The following LAPTM5 variants were observed in gnomAD, a reference collection of about 807,000 sequenced individuals.
The protein encoded by LAPTM5 is lysosomal protein transmembrane 5, also known as lysosomal-associated transmembrane protein 5.
A neutral mutation model predicts 30.1 loss-of-function variants in LAPTM5; 11 were observed. The ratio of observed to expected loss-of-function variants is 0.37; its 90% CI spans 0.23 to 0.60. The LOEUF (loss-of-function observed/expected upper bound fraction) is 0.60. Among genes scored for constraint, LAPTM5 ranks in the 20% least tolerant of loss-of-function variants. LAPTM5 has a pLI of 0.71. For synonymous variants in LAPTM5, 151 were observed against 137.9 expected (o/e 1.10, Z -0.67); for missense variants, 324 against 332.5 (o/e 0.97, Z 0.20).
At chr1:30,749,559 A>T (rs966779258) in intron 1 of LAPTM5, among the ~76,000 whole-genome samples, 2 of 152,194 alleles carry the variant, frequency 1.3e-5, no homozygotes, top group Admixed American at 6.5e-5. Flanking sequence ...GATCATGAAG[A>T]TGAATCAGGC....
At chr1:30,742,006 C>A in intron 2 of LAPTM5, 1 of 369,224 alleles carries the variant, frequency 2.7e-6, no homozygotes, top group Admixed American at 4.3e-5. Flanking sequence ...GGCCTGAGAG[C>A]AATGAGGAAT....
At chr1:30,747,206 G>A (rs924611006) in intron 1 of LAPTM5, among the ~76,000 whole-genome samples, 1 of 152,208 alleles carries the variant, frequency 6.6e-6, no homozygotes, top group Non-Finnish European at 1.5e-5. Context: ...CAGAAGAGAA[G>A]AAAGCATTCC....
chr1:30,756,454 C>T (rs1640212367), intron 1 of LAPTM5, among the ~76,000 whole-genome samples: 1 of 152,236 alleles, frequency 6.6e-6, no homozygotes, highest in South Asian at 2.1e-4. Context: ...AGCCTCACAA[C>T]AAACCCTATC....
chr1:30,740,048 G>T (rs915704967), intron 3 of LAPTM5, 111 bp from the exon 4 acceptor site: 2 of 1,274,876 alleles, frequency 1.6e-6, no homozygotes, highest in Non-Finnish European at 2.1e-6. Flanking sequence ...AACCTTCCCT[G>T]CCCTCCTCAG....
At position 30,741,541 on chromosome 1, in the gene LAPTM5, A is replaced by G. The variant is rs149909342; in HGVS notation, c.258+99T>C. ...CAGAACGCAGGTGGGACCGCCTAAC[A>G]TACCCGCCTCCCACCCTCTCAGCAC... On this transcript the variant is annotated intron_variant, in intron 3 of 7. Transcript: ENST00000294507. 1.2e-3 allele frequency: 906 copies of G among 770,410 alleles called. 14 individuals are homozygous for G. In the East Asian group the frequency reaches 0.022, roughly 19 times the overall value. 47.7% of individuals were successfully genotyped at this position (770,410 alleles called of 1,614,324 possible).
At position 30,737,635 on chromosome 1, in the gene LAPTM5, G is replaced by A. The variant is rs1333875769; in HGVS notation, c.575C>T (p.Ser192Phe). The A allele has an allele frequency of 6.2e-7, 1 of 1,613,630 alleles. No homozygotes were observed. Among genetic ancestry groups the A allele is most frequent in the Admixed American group, 1.7e-5 (1 of 59,984 alleles). Residue 192 changes from serine to phenylalanine, a missense_variant, in exon 6 of 8, where the codon TCC becomes TTC. By Grantham distance (155) the Ser-to-Phe change is radical (BLOSUM62 -2). Transcript: ENST00000294507. ...GATAAGGACAGTGATGAAGGCGATG[G>A]AAAAGATGATCATCATCTTGATGAA... ...NQFIKMMIIF[S>F]IAFITVLIFK...
At position 30,740,798 on chromosome 1, in the gene LAPTM5, A is replaced by G. The variant is rs1177489278; in HGVS notation, c.258+842T>C. On this transcript the variant is annotated intron_variant, in intron 3 of 7. Coordinates refer to ENST00000294507, the MANE Select transcript of LAPTM5 (RefSeq NM_006762.3). ...CTCCCCAGGCAGCATGGGTTCCAAG[A>G]CAGAGTGAGTGTTAGCAAGGGGAGT... Among the ~76,000 whole-genome samples the G allele has an allele frequency of 5.3e-5, 8 of 152,198 alleles. No homozygotes were observed. The East Asian group carries it at 1.5e-3, about 29-fold the overall frequency.
intron 1 of LAPTM5, among the ~76,000 whole-genome samples, chr1:30,749,681 G>A (rs976848928): frequency 9.9e-5 from 15 of 152,166 alleles, no homozygotes; most frequent in African/African-American, 3.1e-4. Flanking sequence ...AGGGGTCAGG[G>A]CGGGCTTCTC....
chr1:30,747,458 A>G (rs1334323234), intron 1 of LAPTM5, among the ~76,000 whole-genome samples: 1 of 152,140 alleles, frequency 6.6e-6, no homozygotes, highest in East Asian at 1.9e-4. Flanking sequence ...GGTCCCAGCC[A>G]TGCTCAGCCA....
chr1:30,750,891 G>A (rs553118952), intron 1 of LAPTM5, among the ~76,000 whole-genome samples: 43 of 152,370 alleles, frequency 2.8e-4, no homozygotes, highest in African/African-American at 1.0e-3. Flanking sequence ...GTCCCAAGCA[G>A]CCCCTGTGCA....
chr1:30,734,196 C>T (rs910077945), intron 7 of LAPTM5, among the ~76,000 whole-genome samples: 58 of 152,184 alleles, frequency 3.8e-4, no homozygotes, highest in African/African-American at 1.4e-3. Flanking sequence ...AGTCCATATA[C>T]CTTCAGAAGA....
chr1:30,734,032 G>T (rs1033960602), intron 7 of LAPTM5, 115 bp from the exon 8 acceptor site: 6 of 1,137,298 alleles, frequency 5.3e-6, no homozygotes, highest in Non-Finnish European at 7.5e-6. Context: ...ATAATGACTG[G>T]CAGGTCTTGG....
chr1:30,740,981 T>C (rs1349287883), intron 3 of LAPTM5, among the ~76,000 whole-genome samples: 2 of 152,228 alleles, frequency 1.3e-5, no homozygotes, highest in African/African-American at 4.8e-5. Flanking sequence ...CCTGGCTTCC[T>C]GCCTTTCTGG....
Position 30,737,603 on chromosome 1 carries a change from C to A in LAPTM5, c.606+1G>T. The A allele has an allele frequency of 6.2e-7, 1 of 1,609,914 alleles. No homozygotes were observed. Among genetic ancestry groups the A allele is most frequent in the Non-Finnish European group, 8.5e-7 (1 of 1,176,752 alleles). ...GAGCCGCAGGGCAGGGATCCACTCA[C>A]CTTGAAGATAAGGACAGTGATGAAG... On this transcript the variant is annotated splice_donor_variant, in intron 6 of 7. Transcript: ENST00000294507. LOFTEE classifies it high-confidence loss of function.
At chr1:30,747,212 A>T (rs753633367) in intron 1 of LAPTM5, among the ~76,000 whole-genome samples, 13 of 152,204 alleles carry the variant, frequency 8.5e-5, no homozygotes, top group Non-Finnish European at 1.8e-4. Flanking sequence ...AGAAGAAAGC[A>T]TTCCAAAAGA....
rs534967531 is a variant in LAPTM5 at position 30,739,861 on chromosome 1, C to G, written c.335G>C (p.Gly112Ala). ...DYLLCLLTLLGSYIELPAYLK... is the reference protein window; with the variant it reads ...DYLLCLLTLLASYIELPAYLK... ...GTAGGCGGGCAGCTCAATGTAGGAG[C>G]CCAGCAGGGTGAGCAGGCACAGGAG... is the stretch of plus-strand genomic sequence containing the variant. The change falls in exon 4 of 8, where the codon GGC becomes GCC. Residue 112 changes from glycine (G) to alanine (A), a missense_variant. Gly to Ala is a moderately conservative substitution (Grantham distance 60). Transcript: ENST00000294507. The surrounding 1 kb of genome is among the most constrained non-coding windows in gnomAD (Gnocchi z 4.2). The G allele has an allele frequency of 6.2e-7, 1 of 1,607,968 alleles. No individual in the cohort carries two copies. The highest frequency in any genetic ancestry group is 2.3e-5 in the East Asian group (1 of 44,432).
intron 5 of LAPTM5, among the ~76,000 whole-genome samples, chr1:30,738,503 C>T (rs953921835): frequency 1.3e-5 from 2 of 152,182 alleles, no homozygotes; most frequent in Non-Finnish European, 2.9e-5. Context: ...TGCAGCCCCA[C>T]CAGAGTCCCT....
intron 3 of LAPTM5, among the ~76,000 whole-genome samples, chr1:30,740,399 T>TCCCCC (rs148522746): frequency 9.7e-6 from 1 of 103,238 alleles, no homozygotes. Flanking sequence ...AGAGAGCCCC[T>TCCCCC]CCCCCCCACC....
At position 30,751,422 on chromosome 1, in the gene LAPTM5, A is replaced by G. The variant is rs1240358140; in HGVS notation, c.87+6237T>C. ...ACCTGGCAGTTTGGACCCATTTTTCAACCCCAAACAGATGAACTTTCAACA... is the reference window on the plus strand; with the variant it reads ...ACCTGGCAGTTTGGACCCATTTTTCGACCCCAAACAGATGAACTTTCAACA... On this transcript the variant is annotated intron_variant, in intron 1 of 7. Transcript: ENST00000294507. Among the ~76,000 whole-genome samples the G allele has an allele frequency of 2.0e-5, 3 of 152,324 alleles. No homozygotes were observed. The South Asian group carries it at 6.2e-4, about 32-fold the overall frequency.
Sources: allele counts gnomAD v4.1 joint callset (sites outside exome capture counted in the v4.1 genomes callset), GRCh38; gene constraint gnomAD v4.1.1; non-coding constraint Gnocchi (gnomAD v3.1); transcripts MANE v1.5; gene names NCBI Gene and HGNC (gene_info 2026-07-23, HGNC 2026-07-21).